LMNTD1: variants seen among roughly 807,000 people sequenced by gnomAD.
The protein encoded by LMNTD1 is lamin tail domain containing 1, also known as lamin tail domain-containing protein 1.
Under a neutral mutation model 50.9 loss-of-function variants are expected in LMNTD1, and 35 were observed. That is an observed-to-expected ratio of 0.69 (90% CI 0.53 to 0.91). The LOEUF is 0.91. Among genes scored for constraint, LMNTD1 ranks in the 40% least tolerant of loss-of-function variants. LMNTD1 has a pLI of 0.00. For synonymous variants in LMNTD1, 153 were observed against 161.9 expected (o/e 0.94, Z 0.42); for missense variants, 470 against 475.5 (o/e 0.99, Z 0.11).
chr12:25,579,866 G>A (rs545613818), intron 1 of LMNTD1, among the ~76,000 whole-genome samples: 4 of 152,060 alleles, frequency 2.6e-5, no homozygotes, highest in African/African-American at 4.8e-5. Context: ...ACTACCCAGC[G>A]AGCCTCTGAG....
intron 9 of LMNTD1, among the ~76,000 whole-genome samples, chr12:25,493,006 C>T (rs1007566943): frequency 1.3e-5 from 2 of 152,308 alleles, no homozygotes; most frequent in South Asian, 4.1e-4. Context: ...GATCAGCCTT[C>T]CTTTTCTCCA....
chr12:25,621,462 T>G (rs1034689048), intron 1 of LMNTD1, among the ~76,000 whole-genome samples: 4 of 152,208 alleles, frequency 2.6e-5, no homozygotes, highest in African/African-American at 9.7e-5. Context: ...TCAAGGTATA[T>G]AGCATAATAT....
upstream of LMNTD1, chr12:25,648,566 C>T (rs1345047338): frequency 6.4e-7 from 1 of 1,550,770 alleles, no homozygotes; most frequent in Non-Finnish European, 8.7e-7. Context: ...TGTCCTTAAG[C>T]TTCTTCTGTT....
chr12:25,525,551 G>A (rs9804845), intron 6 of LMNTD1, among the ~76,000 whole-genome samples: 3,100 of 152,190 alleles, frequency 0.02, 87 homozygotes, highest in African/African-American at 0.068. Context: ...AGTTGAAGAG[G>A]CTTCTTAGGA....
At chr12:25,571,486 C>T (rs1420161390) in intron 1 of LMNTD1, among the ~76,000 whole-genome samples, 3 of 151,752 alleles carry the variant, frequency 2.0e-5, no homozygotes, top group Non-Finnish European at 4.4e-5. Context: ...GCCTTAGCCT[C>T]ATGAGTAGCT....
At chr12:25,613,360 C>G (rs533861498) in intron 1 of LMNTD1, among the ~76,000 whole-genome samples, 25 of 152,282 alleles carry the variant, frequency 1.6e-4, no homozygotes, top group African/African-American at 6.0e-4. Flanking sequence ...TGTGTTTTGA[C>G]TCTACCGTTT....
chr12:25,516,150 G>C (rs1378600217), intron 8 of LMNTD1, among the ~76,000 whole-genome samples: 1 of 151,948 alleles, frequency 6.6e-6, no homozygotes, highest in Non-Finnish European at 1.5e-5. Context: ...CTGTTTCTTT[G>C]TGGCCATCTT....
Position 25,605,366 on chromosome 12 carries a change from TTTGGCTTTTG to T in LMNTD1, c.58+43118_58+43127del, listed in dbSNP as rs1329231730. ...GTTTAATTAGATCCCATTTGTCAATTTTGGCTTTTGTTGCCATTGCTTTCGGTGTTTTAAA... is the reference window on the plus strand; with the variant it reads ...GTTTAATTAGATCCCATTTGTCAATTTTGCCATTGCTTTCGGTGTTTTAAA... On this transcript the variant is annotated intron_variant, in intron 1 of 7. Coordinates refer to the LMNTD1 transcript ENST00000445693. 2.1e-4 allele frequency among the ~76,000 whole-genome samples: 32 copies of T among 152,218 alleles called. 1 individual carries two copies. The highest frequency in any genetic ancestry group is 2.6e-4 in the Admixed American group (4 of 15,270).
intron 8 of LMNTD1, among the ~76,000 whole-genome samples, chr12:25,507,275 A>T (rs1257304596): frequency 6.6e-6 from 1 of 152,182 alleles, no homozygotes; most frequent in Non-Finnish European, 1.5e-5. Context: ...CACAATTAAC[A>T]CACCTAAGAA....
chr12:25,494,947 T>C (rs566790039), intron 9 of LMNTD1, among the ~76,000 whole-genome samples: 19 of 152,286 alleles, frequency 1.2e-4, no homozygotes, highest in African/African-American at 4.6e-4. Context: ...CAGAACTTGT[T>C]CATCCTGTTT....
At chr12:25,501,439 C>G (rs1939384744) in intron 9 of LMNTD1, among the ~76,000 whole-genome samples, 1 of 152,172 alleles carries the variant, frequency 6.6e-6, no homozygotes, top group South Asian at 2.1e-4. Context: ...TCTTCTGGTC[C>G]TGCTTCTAAA....
chr12:25,597,833 A>T (rs1356683238), intron 1 of LMNTD1, among the ~76,000 whole-genome samples: 5 of 152,180 alleles, frequency 3.3e-5, no homozygotes, highest in African/African-American at 1.2e-4. Context: ...CTATACATTA[A>T]TAAGAGAAAT....
chr12:25,598,703 T>G (rs954515297), intron 1 of LMNTD1, among the ~76,000 whole-genome samples: 1 of 151,190 alleles, frequency 6.6e-6, no homozygotes, highest in Non-Finnish European at 1.5e-5. Context: ...AAAAAAATCA[T>G]GAGTAACTAC....
chr12:25,604,764 T>C (rs1439340424), intron 1 of LMNTD1, among the ~76,000 whole-genome samples: 3 of 152,230 alleles, frequency 2.0e-5, no homozygotes, highest in Non-Finnish European at 4.4e-5. Context: ...GACATTGGGT[T>C]GGTTCCAAGT....
At chr12:25,564,631 T>G (rs1944478539) in intron 1 of LMNTD1, among the ~76,000 whole-genome samples, 1 of 152,122 alleles carries the variant, frequency 6.6e-6, no homozygotes, top group Admixed American at 6.6e-5. Context: ...GTTTTAAGAT[T>G]TGTTTTGTGA....
chr12:25,583,960 G>A (rs1945414803), intron 1 of LMNTD1, among the ~76,000 whole-genome samples: 1 of 152,212 alleles, frequency 6.6e-6, no homozygotes, highest in Non-Finnish European at 1.5e-5. Flanking sequence ...ATAAGAAGCA[G>A]AGAGACCAGA....
chr12:25,530,338 C>G (rs943131721), intron 4 of LMNTD1, among the ~76,000 whole-genome samples: 3 of 152,122 alleles, frequency 2.0e-5, no homozygotes, highest in African/African-American at 7.2e-5. Context: ...ATTTATCCAT[C>G]TTTTTCTTTA....
chr12:25,598,715 A>G (rs961568449), intron 1 of LMNTD1, among the ~76,000 whole-genome samples: 7 of 152,064 alleles, frequency 4.6e-5, no homozygotes, highest in Non-Finnish European at 1.0e-4. Context: ...AGTAACTACT[A>G]TGAGCAACTA....
chr12:25,630,312 A>G (rs10842588), intron 1 of LMNTD1, among the ~76,000 whole-genome samples: 94,093 of 152,020 alleles, frequency 0.62, 29,547 homozygotes, highest in Non-Finnish European at 0.68. Context: ...CATGGTGGAC[A>G]GGAGGCAGGA....
Sources: gnomAD v4.1 joint callset for allele counts (sites outside exome capture counted in the v4.1 genomes callset) on GRCh38, gnomAD v4.1.1 for gene constraint, MANE v1.5 for transcripts, NCBI Gene and HGNC (gene_info 2026-07-23, HGNC 2026-07-21) for gene names.